HS3ST4: variants seen among roughly 807,000 people sequenced by gnomAD.
HS3ST4 encodes heparan sulfate glucosamine 3-O-sulfotransferase 4.
Under a neutral mutation model 29.2 loss-of-function variants are expected in HS3ST4, and 17 were observed. The observed-to-expected ratio is 0.58, with a 90% confidence interval of 0.40 to 0.87. HS3ST4 has a LOEUF of 0.87. HS3ST4 is among the 40% of genes least tolerant of loss of function. The probability of loss-of-function intolerance (pLI) is 0.00; values close to 1 mark genes in which losing one functional copy is unlikely to be tolerated. For missense variants in HS3ST4, 627 were observed against 634.5 expected (o/e 0.99, Z 0.13); for synonymous variants, 314 against 285.7 (o/e 1.10, Z -1.00).
At position 25,933,886 on chromosome 16, in the gene HS3ST4, C is replaced by T. The variant is rs748489724; in HGVS notation, c.735-201726C>T. 7.9e-4 allele frequency among the ~76,000 whole-genome samples: 120 copies of T among 152,258 alleles called. 2 individuals carry two copies. Among genetic ancestry groups the T allele is most frequent in the Non-Finnish European group, 1.2e-3 (80 of 68,030 alleles). On this transcript the variant is annotated intron_variant, in intron 1 of 1. Transcript: ENST00000331351. ...TCATTACCACAAAGCCAACACCAAG[C>T]AATTCATGAGGAATCCACCCCCATA... is the stretch of plus-strand genomic sequence containing the variant.
At chr16:25,883,547 C>A (rs1967916162) in intron 1 of HS3ST4, among the ~76,000 whole-genome samples, 1 of 152,168 alleles carries the variant, frequency 6.6e-6, no homozygotes, top group Non-Finnish European at 1.5e-5. Context: ...GCTCAGAATT[C>A]AAATTCAGGT....
intron 1 of HS3ST4, among the ~76,000 whole-genome samples, chr16:25,755,537 T>C (rs1468944437): frequency 1.3e-5 from 2 of 152,178 alleles, no homozygotes; most frequent in African/African-American, 2.4e-5. Context: ...GTAGATCATG[T>C]GGTTCTAGGT....
intron 1 of HS3ST4, among the ~76,000 whole-genome samples, chr16:25,976,919 T>C (rs1968949132): frequency 2.3e-5 from 1 of 43,412 alleles, no homozygotes; most frequent in Non-Finnish European, 5.4e-5. Flanking sequence ...GTAAATTGCA[T>C]GTAATTTTCA....
chr16:25,738,751 A>G (rs952114847), intron 1 of HS3ST4, among the ~76,000 whole-genome samples: 4 of 152,108 alleles, frequency 2.6e-5, no homozygotes, highest in African/African-American at 9.7e-5. Flanking sequence ...AGCACAGCCT[A>G]CATTGTTAGG....
At chr16:25,902,556 G>A (rs1968129844) in intron 1 of HS3ST4, among the ~76,000 whole-genome samples, 1 of 152,076 alleles carries the variant, frequency 6.6e-6, no homozygotes, top group Non-Finnish European at 1.5e-5. Context: ...TAGCATCATG[G>A]GAGGAGTGTG....
intron 1 of HS3ST4, among the ~76,000 whole-genome samples, chr16:25,761,454 A>T (rs1179358081): frequency 6.6e-6 from 1 of 152,230 alleles, no homozygotes; most frequent in African/African-American, 2.4e-5. Context: ...AGCAGCTACC[A>T]TCTTGGAGAG....
intron 1 of HS3ST4, among the ~76,000 whole-genome samples, chr16:26,020,058 C>G (rs892982887): frequency 5.9e-5 from 9 of 152,122 alleles, no homozygotes; most frequent in Admixed American, 5.9e-4. Context: ...AACACCGCCC[C>G]CCCTACCAAA....
At chr16:25,914,636 T>C (rs926081248) in intron 1 of HS3ST4, among the ~76,000 whole-genome samples, 1 of 151,494 alleles carries the variant, frequency 6.6e-6, no homozygotes, top group African/African-American at 2.4e-5. Context: ...GTGGTGTGTG[T>C]GTGTGTGTGC....
intron 1 of HS3ST4, among the ~76,000 whole-genome samples, chr16:25,878,966 GA>G (rs1443382736): frequency 6.6e-6 from 1 of 152,020 alleles, no homozygotes; most frequent in Non-Finnish European, 1.5e-5. Context: ...TCTGCTTCAG[GA>G]AAAAACAGTT....
intron 1 of HS3ST4, among the ~76,000 whole-genome samples, chr16:25,995,942 C>A (rs1369997127): frequency 1.3e-5 from 2 of 150,066 alleles, no homozygotes; most frequent in East Asian, 2.0e-4. Flanking sequence ...ATTGGAACAG[C>A]GATTGTGTGT....
chr16:25,964,316 A>C (rs932251147), intron 1 of HS3ST4, among the ~76,000 whole-genome samples: 6 of 152,188 alleles, frequency 3.9e-5, no homozygotes, highest in African/African-American at 1.4e-4. Flanking sequence ...GTTGTACTCC[A>C]GACCTCAGCA....
chr16:25,883,401 C>T (rs1306798798), intron 1 of HS3ST4, among the ~76,000 whole-genome samples: 1 of 151,996 alleles, frequency 6.6e-6, no homozygotes, highest in Non-Finnish European at 1.5e-5. Context: ...AAAAAAATAC[C>T]CCACACTGAA....
At chr16:25,958,770 TTC>T (rs779499450) in intron 1 of HS3ST4, among the ~76,000 whole-genome samples, 1 of 152,166 alleles carries the variant, frequency 6.6e-6, no homozygotes, top group Non-Finnish European at 1.5e-5. Context: ...TGGAGGGTAG[TTC>T]TCTTCCACGG....
chr16:25,693,035 G>A lies in HS3ST4; in HGVS notation c.618G>A (p.Lys206=), dbSNP rs1369449720. 1.9e-6 allele frequency: 3 copies of A among 1,611,574 alleles called. No homozygotes were observed. In the East Asian group the frequency reaches 6.7e-5, roughly 36 times the overall value. The part of the protein sequence containing the change: ...KLPQALIIGV[K]KGGTRALLEA... ...CACAGGCGCTCATCATCGGGGTCAA[G>A]AAAGGAGGGACCCGCGCGCTGCTGG... The change falls in exon 1 of 2, where the codon AAG becomes AAA. Residue 206 remains lysine, a synonymous_variant. Coordinates refer to ENST00000331351, the MANE Select transcript of HS3ST4 (RefSeq NM_006040.3).
intron 1 of HS3ST4, among the ~76,000 whole-genome samples, chr16:25,903,308 A>ATATGTATATATTATATACATATGTG (rs1968138822): frequency 1.7e-5 from 2 of 118,110 alleles, no homozygotes; most frequent in Non-Finnish European, 3.3e-5. Flanking sequence ...GTGTGTATGT[A>ATATGTATATATTATATACATATGTG]TATGTATATA....
intron 1 of HS3ST4, among the ~76,000 whole-genome samples, chr16:25,831,096 C>T (rs1380752559): frequency 1.3e-5 from 2 of 152,140 alleles, no homozygotes; most frequent in African/African-American, 2.4e-5. Context: ...ATGCCTTCCC[C>T]TCATCTTGCC....
intron 1 of HS3ST4, among the ~76,000 whole-genome samples, chr16:25,895,992 C>T (rs1205646746): frequency 6.6e-6 from 1 of 151,974 alleles, no homozygotes; most frequent in Non-Finnish European, 1.5e-5. Context: ...ATGTCCACGG[C>T]CCTGGTGAGA....
chr16:25,968,457 C>T (rs1401944855), intron 1 of HS3ST4, among the ~76,000 whole-genome samples: 1 of 152,082 alleles, frequency 6.6e-6, no homozygotes, highest in African/African-American at 2.4e-5. Context: ...AATTTGCTGC[C>T]CCCATCATTT....
At chr16:25,807,222 C>T (rs962671476) in intron 1 of HS3ST4, among the ~76,000 whole-genome samples, 2 of 152,196 alleles carry the variant, frequency 1.3e-5, no homozygotes, top group African/African-American at 4.8e-5. Context: ...GATCCACCCA[C>T]CTTGGCCTTC....
Sources: gnomAD v4.1 joint callset for allele counts (sites outside exome capture counted in the v4.1 genomes callset) on GRCh38, gnomAD v4.1.1 for gene constraint, MANE v1.5 for transcripts, NCBI Gene and HGNC (gene_info 2026-07-23, HGNC 2026-07-21) for gene names.